Variants in DTWD1 observed in about 807,000 individuals in gnomAD.
DTWD1 encodes tRNA-uridine aminocarboxypropyltransferase 1.
A neutral mutation model predicts 30.2 loss-of-function variants in DTWD1; 27 were observed. The ratio of observed to expected loss-of-function variants is 0.90; its 90% CI spans 0.66 to 1.23. The LOEUF is 1.23. Ranked by LOEUF, DTWD1 falls within the 50% of genes most tolerant of loss-of-function variation. The pLI, the probability that DTWD1 is intolerant of heterozygous loss-of-function variation, is 0.00. For synonymous variants in DTWD1, 99 were observed against 113.1 expected (o/e 0.88, Z 0.79); for missense variants, 342 against 348.8 (o/e 0.98, Z 0.15).
At chr15:49,635,509 GT>G (rs2078989752) in intron 4 of DTWD1, among the ~76,000 whole-genome samples, 2 of 151,670 alleles carry the variant, frequency 1.3e-5, no homozygotes, top group Admixed American at 1.3e-4. Context: ...TTGTTTGTTT[GT>G]TTTTGAGAGG....
In DTWD1 at chr15:49,626,999, G is replaced by A. The variant is rs529894729; in HGVS notation, c.264+1568G>A. 25 of 208,404 alleles carry A rather than the reference G, an allele frequency of 1.2e-4. No homozygotes were observed. The East Asian group carries it at 2.4e-3, about 20-fold the overall frequency. 12.9% of individuals were successfully genotyped at this position (208,404 alleles called of 1,614,324 possible). A position where few individuals can be genotyped will look rare whatever the true frequency, so the allele number is the denominator to read the frequency against. On this transcript the variant is annotated intron_variant, in intron 2 of 4. Transcript: ENST00000403028. ...TATTCTATTTTACATTTCTCTCATA[G>A]CCATGTAAAGAAGGGATTCCATTAA...
At chr15:49,642,485 A>G (rs2079076958) in intron 4 of DTWD1, among the ~76,000 whole-genome samples, 1 of 152,208 alleles carries the variant, frequency 6.6e-6, no homozygotes, top group African/African-American at 2.4e-5. Context: ...AAACAAGCAA[A>G]CAAAAGAAAC....
In DTWD1 at chr15:49,651,723, C is replaced by T. The variant is rs2153354933; in HGVS notation, c.*8145C>T. ...TTTGCTTTTCCTCTTTGCAGAGCCT[C>T]AGTCAGTATCACCATTTGAGTTTAC... On this transcript the variant is annotated 3_prime_UTR_variant, in exon 5 of 5. Coordinates refer to ENST00000403028, the MANE Select transcript of DTWD1 (RefSeq NM_001144955.2). 1 of 152,192 alleles carries T rather than the reference C, an allele frequency of 6.6e-6. No individual in the cohort carries two copies. Among genetic ancestry groups the T allele is most frequent in the South Asian group, 2.1e-4 (1 of 4,818 alleles). The allele number at this position is 152,192 out of a possible 1,614,324, so 9.4% of individuals were successfully genotyped here. A position where few individuals can be genotyped will look rare whatever the true frequency, so the allele number is the denominator to read the frequency against.
intron 2 of DTWD1, chr15:49,626,608 T>C (rs897515827): frequency 1.2e-4 from 34 of 282,770 alleles, no homozygotes; most frequent in African/African-American, 6.9e-4. Context: ...ATTCTACACA[T>C]GGACTCATTA....
chr15:49,634,496 T>C (rs2078974196), intron 3 of DTWD1, 40 bp from the exon 4 acceptor site: 3 of 1,532,890 alleles, frequency 2.0e-6, no homozygotes, highest in Non-Finnish European at 2.6e-6. Flanking sequence ...ATTTTGAAGA[T>C]CATAGTAGCA....
At chr15:49,629,934 C>G (rs1260360542) in intron 2 of DTWD1, 1 of 152,076 alleles carries the variant, frequency 6.6e-6, no homozygotes, top group Non-Finnish European at 1.5e-5. Context: ...TTATACTGTT[C>G]TGTCCCCAAC....
Position 49,651,616 on chromosome 15 carries a change from A to G in DTWD1, c.*8038A>G, listed in dbSNP as rs2079152745. 1 of 152,106 alleles carries G rather than the reference A, an allele frequency of 6.6e-6. No homozygotes were observed. The highest frequency in any genetic ancestry group is 2.1e-4 in the South Asian group (1 of 4,828). 9.4% of individuals were successfully genotyped at this position (152,106 alleles called of 1,614,324 possible). ...GATATAATACCATTCTTCAATATCAAGTTGGTTACATTGGGCCCCTTCCAC... is the reference window on the plus strand; with the variant it reads ...GATATAATACCATTCTTCAATATCAGGTTGGTTACATTGGGCCCCTTCCAC... On this transcript the variant is annotated 3_prime_UTR_variant, in exon 5 of 5. Coordinates refer to ENST00000403028, the MANE Select transcript of DTWD1 (RefSeq NM_001144955.2).
Position 49,645,867 on chromosome 15 carries a change from TTTTG to T in DTWD1, c.*2297_*2300del, listed in dbSNP as rs1323528550. 6.6e-6 allele frequency: 1 copy of T among 152,158 alleles called. No individual in the cohort carries two copies. The highest frequency in any genetic ancestry group is 2.4e-5 in the African/African-American group (1 of 41,436). The allele number at this position is 152,158 out of a possible 1,614,324, so 9.4% of individuals were successfully genotyped here. On this transcript the variant is annotated 3_prime_UTR_variant, in exon 5 of 5. Transcript: ENST00000403028. ...AATTGACTATACTTGTCTTAGTTTT[TTTTG>T]TTTGTTTTTTGTTTTTTGTTTTTTT...
rs534202288 is a variant in DTWD1, at chr15:49,647,218, A to C, written c.*3640A>C. ...CCTGAAGGTCCCCCTAAATCCCTTC[A>C]GAAGTCTTAAAAAGGAGTAAATGGC... On this transcript the variant is annotated 3_prime_UTR_variant, in exon 5 of 5. Transcript: ENST00000403028. The C allele has an allele frequency of 1.4e-4, 22 of 152,322 alleles. No homozygotes were observed. The highest frequency in any genetic ancestry group is 5.3e-4 in the African/African-American group (22 of 41,588). The allele number at this position is 152,322 out of a possible 1,614,324, so 9.4% of individuals were successfully genotyped here. A position where few individuals can be genotyped will look rare whatever the true frequency, so the allele number is the denominator to read the frequency against.
intron 2 of DTWD1, chr15:49,625,638 G>GC: frequency 1.9e-6 from 1 of 533,626 alleles, no homozygotes; most frequent in South Asian, 2.6e-5. Context: ...GCGCCTGATC[G>GC]CAAGAGCACA....
chr15:49,632,490 T>C (rs1205769695), intron 3 of DTWD1, among the ~76,000 whole-genome samples, 188 bp downstream of exon 3: 1 of 152,258 alleles, frequency 6.6e-6, no homozygotes, highest in Non-Finnish European at 1.5e-5. Flanking sequence ...TCTAGACTGC[T>C]ATGCGTTTTT....
chr15:49,641,970 T>C (rs1221918953), intron 4 of DTWD1, among the ~76,000 whole-genome samples: 1 of 152,144 alleles, frequency 6.6e-6, no homozygotes, highest in Admixed American at 6.6e-5. Context: ...TGGCTTTTTA[T>C]AGTTTAAAAT....
At chr15:49,623,101 C>G (rs1300095388) in intron 1 of DTWD1, among the ~76,000 whole-genome samples, 1 of 152,176 alleles carries the variant, frequency 6.6e-6, no homozygotes, top group East Asian at 1.9e-4. Context: ...TTCATGACAT[C>G]CACAGGAACT....
intron 3 of DTWD1, among the ~76,000 whole-genome samples, chr15:49,633,829 A>T (rs765975216): frequency 6.6e-6 from 1 of 152,218 alleles, no homozygotes; most frequent in Non-Finnish European, 1.5e-5. Flanking sequence ...CTGTTCAGAC[A>T]TTGGAAGCTC....
rs377482341 is a variant in DTWD1 at position 49,653,360 on chromosome 15, G to A, written c.*9782G>A. On this transcript the variant is annotated 3_prime_UTR_variant, in exon 5 of 5. Transcript: ENST00000403028. Reference sequence around the variant, plus strand: ...AACCACAAGCCCCAAGCAGCCTCTGGAAGCTGGAAAAAGCAAAGAAACAGA... The same window carrying A: ...AACCACAAGCCCCAAGCAGCCTCTGAAAGCTGGAAAAAGCAAAGAAACAGA... 1 of 152,246 alleles carries A rather than the reference G, an allele frequency of 6.6e-6. No homozygotes were observed. The highest frequency in any genetic ancestry group is 1.9e-4 in the East Asian group (1 of 5,172). The allele number at this position is 152,246 out of a possible 1,614,324, so 9.4% of individuals were successfully genotyped here.
At chr15:49,626,800 T>A (rs937848607) in intron 2 of DTWD1, 15 of 437,434 alleles carry the variant, frequency 3.4e-5, no homozygotes, top group Admixed American at 3.3e-4. Context: ...AAATCACATG[T>A]ATAGGCTAAT....
In DTWD1 at chr15:49,632,289, A is replaced by G. The variant is rs1442108862; in HGVS notation, c.395A>G (p.Glu132Gly). 6.3e-7 allele frequency: 1 copy of G among 1,579,848 alleles called. No homozygotes were observed. The highest frequency in any genetic ancestry group is 2.1e-5 in the Admixed American group (1 of 47,584). Residue 132 changes from glutamate to glycine, a missense_variant, in exon 3 of 5, where the codon GAA (glutamate) becomes GGA (glycine). By Grantham distance (98) the Glu-to-Gly change is moderately conservative. Coordinates refer to ENST00000403028, the MANE Select transcript of DTWD1 (RefSeq NM_001144955.2). ...YTYPCIPEYE[E>G]KDHEVALIFP... ...TATCCGTGTATTCCAGAATATGAAGAAAAGGACCATGAAGTAGGCAACTTA... is the reference window on the plus strand; with the variant it reads ...TATCCGTGTATTCCAGAATATGAAGGAAAGGACCATGAAGTAGGCAACTTA...
intron 4 of DTWD1, among the ~76,000 whole-genome samples, chr15:49,641,872 G>A (rs942855203): frequency 1.4e-4 from 21 of 151,548 alleles, no homozygotes; most frequent in African/African-American, 5.1e-4. Context: ...CTTTATCTTT[G>A]GTGTTTTTCA....
rs142213277 is a variant in DTWD1 at position 49,628,672 on chromosome 15, A to G, written c.264+3241A>G. On this transcript the variant is annotated intron_variant, in intron 2 of 4. Transcript: ENST00000403028. ...TTGTGGTAAGTCTCTTTTATAAAACATAAGTGTTCGAGAGCAGATTGATAT... is the reference window on the plus strand; with the variant it reads ...TTGTGGTAAGTCTCTTTTATAAAACGTAAGTGTTCGAGAGCAGATTGATAT... Among the ~76,000 whole-genome samples the G allele has an allele frequency of 2.6e-3, 395 of 152,316 alleles. 1 individual carries two copies. Among genetic ancestry groups the G allele is most frequent in the African/African-American group, 8.9e-3 (372 of 41,566 alleles).
Sources: allele counts gnomAD v4.1 joint callset (sites outside exome capture counted in the v4.1 genomes callset), GRCh38; gene constraint gnomAD v4.1.1; transcripts MANE v1.5; gene names NCBI Gene and HGNC (gene_info 2026-07-23, HGNC 2026-07-21).